ESCO1: variants seen among roughly 807,000 people sequenced by gnomAD.
ESCO1 encodes establishment of sister chromatid cohesion N-acetyltransferase 1, also known as N-acetyltransferase ESCO1.
ESCO1 carries 33 observed loss-of-function variants against 83.5 expected under a neutral mutation model. That is an observed-to-expected ratio of 0.40 (90% CI 0.30 to 0.53). ESCO1 has a LOEUF of 0.53. Ranked by LOEUF, ESCO1 falls within the 20% of genes least tolerant of loss-of-function variation. The pLI is 0.63. For missense variants in ESCO1, 855 were observed against 968.0 expected (o/e 0.88, Z 1.55); for synonymous variants, 332 against 324.3 (o/e 1.02, Z -0.25).
chr18:21,550,783 G>T (rs377587110), intron 8 of ESCO1, among the ~76,000 whole-genome samples: 2 of 152,184 alleles, frequency 1.3e-5, no homozygotes, highest in Non-Finnish European at 2.9e-5. Flanking sequence ...AAAGATCACT[G>T]TAACTGTTGT....
Position 21,557,582 on chromosome 18 carries a change from G to A in ESCO1, c.1953+3277C>T, listed in dbSNP as rs376373249. On this transcript the variant is annotated intron_variant, in intron 8 of 11. Transcript: ENST00000269214. ...TTCAGCCTTTGTTCCTAAACTTGAA[G>A]GAAAGGGCATAGCCCTGAGAGTAGT... Among the ~76,000 whole-genome samples the A allele has an allele frequency of 3.0e-4, 46 of 152,268 alleles. No homozygotes were observed. The Middle Eastern group carries it at 0.024, about 79-fold the overall frequency.
chr18:21,543,660 A>G (rs2037935172), intron 8 of ESCO1, among the ~76,000 whole-genome samples: 1 of 152,224 alleles, frequency 6.6e-6, no homozygotes, highest in Non-Finnish European at 1.5e-5. Context: ...CACATTAATC[A>G]CAATTTCATG....
In ESCO1 at chr18:21,529,599, A is replaced by G. The variant is rs1478051092; in HGVS notation, c.*744T>C. 1 of 152,196 alleles carries G rather than the reference A, an allele frequency of 6.6e-6. No individual in the cohort carries two copies. The highest frequency in any genetic ancestry group is 1.9e-4 in the East Asian group (1 of 5,204). 9.4% of individuals were successfully genotyped at this position (152,196 alleles called of 1,614,324 possible). ...GTGTGCCAAGTTGCCATTTATTTTA[A>G]AAGTGAAACCAGAATGAAAGAATAA... On this transcript the variant is annotated 3_prime_UTR_variant, in exon 12 of 12. Coordinates refer to ENST00000269214, the MANE Select transcript of ESCO1 (RefSeq NM_052911.3).
chr18:21,588,811 G>A (rs1355304883), intron 1 of ESCO1, among the ~76,000 whole-genome samples: 1 of 152,068 alleles, frequency 6.6e-6, no homozygotes, highest in African/African-American at 2.4e-5. Context: ...ATCTACTTGG[G>A]AGGCTGAGGC....
rs542805286 is a variant in ESCO1, at chr18:21,555,021, G to A, written c.1953+5838C>T. ...TGAGGCAGGAGAATTGCTTGAACCC[G>A]GGAAACGGAGGTTGCAGTGAGCAGA... is the stretch of plus-strand genomic sequence containing the variant. On this transcript the variant is annotated intron_variant, in intron 8 of 11. Coordinates refer to ENST00000269214, the MANE Select transcript of ESCO1 (RefSeq NM_052911.3). 7.9e-5 allele frequency among the ~76,000 whole-genome samples: 12 copies of A among 152,244 alleles called. No homozygotes were observed. In the South Asian group the frequency reaches 1.7e-3, roughly 21 times the overall value.
intron 1 of ESCO1, among the ~76,000 whole-genome samples, chr18:21,587,519 C>T (rs2038598976): frequency 6.6e-6 from 1 of 152,124 alleles, no homozygotes; most frequent in Non-Finnish European, 1.5e-5. Flanking sequence ...GGTTAGCATA[C>T]CATTGTTCAT....
rs1232776319 is a variant in ESCO1 at position 21,568,889 on chromosome 18, C to T, written c.1531-795G>A. ...CTGCACTCCAGCCTAGGTGACAAAG[C>T]TAGACTCCATCTCAAAAAAAAAAAA... On this transcript the variant is annotated intron_variant, in intron 4 of 11. Coordinates refer to ENST00000269214, the MANE Select transcript of ESCO1 (RefSeq NM_052911.3). 2.7e-5 allele frequency among the ~76,000 whole-genome samples: 4 copies of T among 147,378 alleles called. No homozygotes were observed. In the South Asian group the frequency reaches 8.7e-4, roughly 32 times the overall value.
chr18:21,567,215 T>C (rs753109768), intron 5 of ESCO1, among the ~76,000 whole-genome samples: 22 of 152,200 alleles, frequency 1.4e-4, no homozygotes, highest in Admixed American at 5.2e-4. Context: ...CAGGGTGGAA[T>C]GCAGTGGTGC....
At chr18:21,530,724 T>G (rs1475706865) in intron 11 of ESCO1, among the ~76,000 whole-genome samples, 1 of 152,148 alleles carries the variant, frequency 6.6e-6, no homozygotes, top group Non-Finnish European at 1.5e-5. Context: ...CAACATCTTT[T>G]CATGATAAAA....
rs374089036 is a variant in ESCO1 at position 21,539,965 on chromosome 18, C to T, written c.1998G>A (p.Arg666=). 2 of 1,613,582 alleles carry T rather than the reference C, an allele frequency of 1.2e-6. No homozygotes were observed. Among genetic ancestry groups the T allele is most frequent in the African/African-American group, 2.7e-5 (2 of 74,932 alleles). Residue 666 remains arginine, a synonymous_variant, in exon 9 of 12, where the codon AGG becomes AGA. Coordinates refer to ENST00000269214, the MANE Select transcript of ESCO1 (RefSeq NM_052911.3). Reference sequence around the variant, plus strand: ...GGTCTTCAGGAAGAACCATTATTATCCTGCCATCAGGGTATTCAGCCAGAA... The same window carrying T: ...GGTCTTCAGGAAGAACCATTATTATTCTGCCATCAGGGTATTCAGCCAGAA... ...ERILAEYPDG[R]IIMVLPEDPK... is the part of the protein sequence containing the mutation.
intron 8 of ESCO1, among the ~76,000 whole-genome samples, chr18:21,541,313 A>T (rs937085103): frequency 1.3e-5 from 2 of 152,116 alleles, no homozygotes; most frequent in Admixed American, 1.3e-4. Flanking sequence ...TAAAAAAGAA[A>T]CTTAAGGCCG....
In ESCO1 at chr18:21,574,885, AT is replaced by A. The variant is rs754507030; in HGVS notation, c.-43del. On this transcript the variant is annotated 5_prime_UTR_variant, in exon 4 of 12. Transcript: ENST00000269214. The stretch of plus-strand genomic sequence containing the variant: ...TCTTTTCTGAGTAGTTTTGAAGAGG[AT>A]TTTTGTGTCCTGGTAGGCGTGAATG... 1.1e-5 allele frequency: 17 copies of A among 1,489,184 alleles called. No homozygotes were observed. The highest frequency in any genetic ancestry group is 1.4e-5 in the Non-Finnish European group (16 of 1,121,952). 92.2% of individuals were successfully genotyped at this position (1,489,184 alleles called of 1,614,324 possible).
At chr18:21,553,043 A>C (rs1243405259) in intron 8 of ESCO1, among the ~76,000 whole-genome samples, 1 of 152,212 alleles carries the variant, frequency 6.6e-6, no homozygotes, top group Non-Finnish European at 1.5e-5. Flanking sequence ...TAATCCCAAC[A>C]CATTGGGAGG....
chr18:21,569,052 TTTCCCCCTATATAAATTCCA>T (rs1455372228), intron 4 of ESCO1, among the ~76,000 whole-genome samples: 2 of 152,216 alleles, frequency 1.3e-5, no homozygotes, highest in African/African-American at 4.8e-5. Context: ...CCAGAATACC[TTTCCCCCTATATAAATTCCA>T]CTCATTGCTC....
chr18:21,529,530 C>G lies in ESCO1; in HGVS notation c.*813G>C, dbSNP rs1218519304. The G allele has an allele frequency of 1.3e-5, 2 of 152,158 alleles. No individual in the cohort carries two copies. Among genetic ancestry groups the G allele is most frequent in the Admixed American group, 1.3e-4 (2 of 15,272 alleles). 9.4% of individuals were successfully genotyped at this position (152,158 alleles called of 1,614,324 possible). On this transcript the variant is annotated 3_prime_UTR_variant, in exon 12 of 12. Coordinates refer to ENST00000269214, the MANE Select transcript of ESCO1 (RefSeq NM_052911.3). The stretch of plus-strand genomic sequence containing the variant: ...CATCCATACTTTGCTTCCAAGTATT[C>G]TATACGTTTTTATAAACCTCTTTGA...
At chr18:21,599,864 C>T (rs1229315185) in intron 1 of ESCO1, among the ~76,000 whole-genome samples, 3 of 152,136 alleles carry the variant, frequency 2.0e-5, no homozygotes, top group Non-Finnish European at 4.4e-5. Flanking sequence ...GCAAAATAAA[C>T]CCCCATAGTA....
chr18:21,549,960 C>T (rs2038024576), intron 8 of ESCO1, among the ~76,000 whole-genome samples: 1 of 148,218 alleles, frequency 6.7e-6, no homozygotes, highest in African/African-American at 2.5e-5. Flanking sequence ...AAGACTCCAT[C>T]TCCAAAAAAA....
rs148166176 is a variant in ESCO1 at position 21,574,650 on chromosome 18, C to A, written c.194G>T (p.Arg65Leu). The change falls in exon 4 of 12, where the codon CGC (arginine) becomes CTC (leucine). Residue 65 changes from arginine to leucine, a missense_variant. Arg to Leu is a moderately radical substitution (Grantham distance 102). Coordinates refer to ENST00000269214, the MANE Select transcript of ESCO1 (RefSeq NM_052911.3). ...TGCCTTTGATGACCTTGTACTCATGCGTGTTTCCAATTCTGGCTGATTTAT... is the reference window on the plus strand; with the variant it reads ...TGCCTTTGATGACCTTGTACTCATGAGTGTTTCCAATTCTGGCTGATTTAT... ...SKINQPELET[R>L]MSTRSSKAAS... is the part of the protein sequence containing the mutation. The A allele has an allele frequency of 1.2e-6, 2 of 1,613,730 alleles. No individual in the cohort carries two copies. The highest frequency in any genetic ancestry group is 1.7e-6 in the Non-Finnish European group (2 of 1,180,000).
chr18:21,557,384 A>G (rs2038126606), intron 8 of ESCO1, among the ~76,000 whole-genome samples: 1 of 152,234 alleles, frequency 6.6e-6, no homozygotes, highest in Non-Finnish European at 1.5e-5. Flanking sequence ...TACCAATCAT[A>G]GATGACTATC....
Sources: allele counts gnomAD v4.1 joint callset (sites outside exome capture counted in the v4.1 genomes callset), GRCh38; gene constraint gnomAD v4.1.1; transcripts MANE v1.5; gene names NCBI Gene and HGNC (gene_info 2026-07-23, HGNC 2026-07-21).